Variants in DUS2 observed in about 807,000 individuals in gnomAD.
The protein encoded by DUS2 is dihydrouridine synthase 2, also known as tRNA-dihydrouridine(20) synthase [NAD(P)+]-like.
In DUS2, 52 loss-of-function variants were observed where a neutral mutation model predicts 71.3. The ratio of observed to expected loss-of-function variants is 0.73; its 90% CI spans 0.58 to 0.92. The LOEUF (loss-of-function observed/expected upper bound fraction) is 0.92, where lower values mean the gene tolerates loss of function less well. Among genes scored for constraint, DUS2 ranks in the 40% least tolerant of loss-of-function variants. DUS2 has a pLI of 0.00. For synonymous variants in DUS2, 204 were observed against 227.8 expected (o/e 0.90, Z 0.94); for missense variants, 558 against 622.6 (o/e 0.90, Z 1.10).
chr16:68,064,003 G>C (rs2033974072), intron 8 of DUS2, among the ~76,000 whole-genome samples: 2 of 152,172 alleles, frequency 1.3e-5, no homozygotes, highest in African/African-American at 4.8e-5. Flanking sequence ...TGTGCGCAGG[G>C]CATCCCCCTT....
At chr16:68,071,250 C>T (rs1731550012) in intron 12 of DUS2, 142 bp downstream of exon 12, 3 of 858,058 alleles carry the variant, frequency 3.5e-6, no homozygotes, top group South Asian at 1.7e-5. Flanking sequence ...TGTAGCTGCA[C>T]TAGCTCACTG....
At chr16:68,043,329 C>A (rs957285873) in intron 3 of DUS2, among the ~76,000 whole-genome samples, 11 of 151,994 alleles carry the variant, frequency 7.2e-5, no homozygotes, top group African/African-American at 2.4e-4. Flanking sequence ...TTGCTTGAAC[C>A]CATGAGGCGG....
At chr16:68,064,586 A>G (rs1365481965) in intron 8 of DUS2, among the ~76,000 whole-genome samples, 1 of 152,222 alleles carries the variant, frequency 6.6e-6, no homozygotes, top group Non-Finnish European at 1.5e-5. Flanking sequence ...CTGAGCATGA[A>G]GGATGGGACT....
intron 7 of DUS2, among the ~76,000 whole-genome samples, chr16:68,058,983 G>A (rs946833853): frequency 2.0e-5 from 3 of 152,106 alleles, no homozygotes; most frequent in Admixed American, 6.6e-5. Flanking sequence ...AGGCTGAGGC[G>A]GGCAGATCAC....
chr16:68,030,116 A>G (rs1269443219), intron 2 of DUS2, among the ~76,000 whole-genome samples: 1 of 152,014 alleles, frequency 6.6e-6, no homozygotes, highest in Non-Finnish European at 1.5e-5. Context: ...AAGTTTGTTT[A>G]TACTCATTAT....
At chr16:68,055,461 A>G (rs1029177888) in intron 6 of DUS2, among the ~76,000 whole-genome samples, 2 of 152,142 alleles carry the variant, frequency 1.3e-5, no homozygotes, top group Non-Finnish European at 2.9e-5. Flanking sequence ...CTCAAGAACA[A>G]AAACAAAGGC....
chr16:68,071,235 T>C, intron 12 of DUS2, 127 bp downstream of exon 12: 2 of 1,015,862 alleles, frequency 2.0e-6, no homozygotes, highest in Non-Finnish European at 2.9e-6. Flanking sequence ...TTTTAGCTCA[T>C]GTAGTGTAGC....
intron 2 of DUS2, among the ~76,000 whole-genome samples, chr16:68,033,281 T>C (rs868294967): frequency 1.6e-4 from 24 of 152,080 alleles, no homozygotes; most frequent in Non-Finnish European, 1.6e-4. Context: ...GGGTTAGTTA[T>C]ATTTTGAAGG....
intron 2 of DUS2, among the ~76,000 whole-genome samples, 182 bp downstream of exon 2, chr16:68,025,676 C>T (rs1327116857): frequency 6.6e-6 from 1 of 152,124 alleles, no homozygotes; most frequent in Non-Finnish European, 1.5e-5. Context: ...CTTCTTGTCA[C>T]ATCACTAGAC....
intron 15 of DUS2, 83 bp from the exon 16 acceptor site, chr16:68,078,362 T>A: frequency 7.5e-7 from 1 of 1,326,006 alleles, no homozygotes; most frequent in Non-Finnish European, 1.1e-6. Context: ...CACTTCCTTT[T>A]ATCTGCCTTT....
chr16:68,066,033 G>C (rs1438846556), intron 8 of DUS2, among the ~76,000 whole-genome samples: 1 of 152,142 alleles, frequency 6.6e-6, no homozygotes, highest in Non-Finnish European at 1.5e-5. Flanking sequence ...CTGCACACAG[G>C]TGTACACGCG....
At chr16:68,053,031 C>T (rs1261552640) in intron 4 of DUS2, among the ~76,000 whole-genome samples, 2 of 151,532 alleles carry the variant, frequency 1.3e-5, no homozygotes, top group African/African-American at 2.4e-5. Flanking sequence ...GGCGCGATCT[C>T]GGCTCGCTGC....
intron 8 of DUS2, among the ~76,000 whole-genome samples, chr16:68,062,320 C>T (rs938382722): frequency 1.3e-5 from 2 of 152,050 alleles, no homozygotes; most frequent in African/African-American, 4.8e-5. Flanking sequence ...CATAATGTGC[C>T]TTTCATTTGA....
At chr16:68,070,106 C>A in intron 10 of DUS2, 28 bp from the exon 11 acceptor site, 1 of 1,602,454 alleles carries the variant, frequency 6.2e-7, no homozygotes, top group Non-Finnish European at 8.6e-7. Context: ...TGGTGCTTAG[C>A]CCTCAGCCCC....
chr16:68,067,595 A>G (rs901871270), intron 10 of DUS2, among the ~76,000 whole-genome samples: 1 of 150,928 alleles, frequency 6.6e-6, no homozygotes, highest in East Asian at 2.0e-4. Flanking sequence ...TTTTCTTTCT[A>G]TTATATTGAG....
chr16:68,041,488 A>G (rs1439712197), intron 3 of DUS2, among the ~76,000 whole-genome samples: 1 of 152,022 alleles, frequency 6.6e-6, no homozygotes, highest in Non-Finnish European at 1.5e-5. Flanking sequence ...TTCTTAAGAG[A>G]CCCAGAGTCC....
At chr16:68,049,629 T>A in intron 4 of DUS2, 79 bp downstream of exon 4, 1 of 1,350,730 alleles carries the variant, frequency 7.4e-7, no homozygotes, top group Non-Finnish European at 1.1e-6. Flanking sequence ...TTGCCTGGGG[T>A]GACAGTGTCT....
chr16:68,066,525 C>G, intron 9 of DUS2, 41 bp from the exon 10 acceptor site: 1 of 1,607,000 alleles, frequency 6.2e-7, no homozygotes, highest in South Asian at 1.1e-5. Flanking sequence ...GCTGCTCCTT[C>G]TGGAGCTTCA....
chr16:68,078,248 C>G (rs555106296), intron 15 of DUS2, 197 bp from the exon 16 acceptor site: 1 of 611,394 alleles, frequency 1.6e-6, no homozygotes, highest in East Asian at 2.8e-5. Flanking sequence ...TGTGACAGCT[C>G]CAGACACTTG....
Sources: allele counts gnomAD v4.1 joint callset (sites outside exome capture counted in the v4.1 genomes callset), GRCh38; gene constraint gnomAD v4.1.1; transcripts MANE v1.5; gene names NCBI Gene and HGNC (gene_info 2026-07-23, HGNC 2026-07-21).